The following ZNF676 variants were observed in gnomAD, a reference collection of about 807,000 sequenced individuals.
The protein encoded by ZNF676 is zinc finger protein 676.
In ZNF676, 4 loss-of-function variants were observed where a neutral mutation model predicts 6.0. The observed-to-expected ratio is 0.67, with a 90% confidence interval of 0.33 to 1.53. The LOEUF (loss-of-function observed/expected upper bound fraction) is 1.53, where lower values mean the gene tolerates loss of function less well. Among genes scored for constraint, ZNF676 ranks in the 40% most tolerant of loss-of-function variants. ZNF676 has a pLI of 0.06. For synonymous variants in ZNF676, 198 were observed against 223.1 expected, an observed-to-expected ratio of 0.89 and a Z score of 1.00; for missense variants, 644 against 679.7, an observed-to-expected ratio of 0.95 and a Z score of 0.58.
the ZNF676 span, among the ~76,000 whole-genome samples, chr19:22,230,437 T>A: frequency 6.6e-6 from 1 of 151,996 alleles, no homozygotes; most frequent in Non-Finnish European, 1.5e-5. Flanking sequence ...TCATGGCACG[T>A]GTATACCTGT....
chr19:22,188,286 G>A (rs1172187390), intron 2 of ZNF676, among the ~76,000 whole-genome samples: 1 of 152,118 alleles, frequency 6.6e-6, no homozygotes, highest in East Asian at 1.9e-4. Context: ...AATAGATGCA[G>A]GAAAGGCTTT....
chr19:22,204,078 AGCTAT>A (rs2024053074), intron 1 of ZNF676: 1 of 152,176 alleles, frequency 6.6e-6, no homozygotes, highest in African/African-American at 2.4e-5. Flanking sequence ...CTAACTGGAG[AGCTAT>A]TACAGTTTTT....
intron 2 of ZNF676, among the ~76,000 whole-genome samples, chr19:22,191,078 G>T (rs1568529056): frequency 6.6e-6 from 1 of 152,132 alleles, no homozygotes; most frequent in Non-Finnish European, 1.5e-5. Context: ...CAGCTACATG[G>T]TATAGAAAGG....
chr19:22,204,195 T>TGG (rs958265387), intron 1 of ZNF676, among the ~76,000 whole-genome samples: 1 of 152,136 alleles, frequency 6.6e-6, no homozygotes, highest in African/African-American at 2.4e-5. Context: ...TTTTTCCTAT[T>TGG]GGGTAAATTA....
Position 22,180,247 on chromosome 19 carries a change from T to C in ZNF676, c.1470A>G (p.Ser490=), listed in dbSNP as rs370074175. The change falls in exon 3 of 3, where the codon TCA becomes TCG. Residue 490 remains serine, a synonymous_variant. Coordinates refer to ENST00000397121, the MANE Select transcript of ZNF676 (RefSeq NM_001001411.3). ...GAATTATCTTATGTTTAGTAAGGATTGAGAACGTACTAAAGCCTTTGCCAC... is the reference window on the plus strand; with the variant it reads ...GAATTATCTTATGTTTAGTAAGGATCGAGAACGTACTAAAGCCTTTGCCAC... The part of the protein sequence containing the change: ...EECGKGFSTF[S]ILTKHKIIHT... 6.2e-7 allele frequency: 1 copy of C among 1,613,756 alleles called. No individual in the cohort carries two copies. Among genetic ancestry groups the C allele is most frequent in the Non-Finnish European group, 8.5e-7 (1 of 1,179,786 alleles).
At chr19:22,244,824 C>T in the ZNF676 span, 1 of 152,222 alleles carries the variant, frequency 6.6e-6, no homozygotes, top group Non-Finnish European at 1.5e-5. Context: ...CTGATCCAGT[C>T]CTGTAGGTGT....
At chr19:22,215,897 G>T (rs1482885535), upstream of ZNF676, among the ~76,000 whole-genome samples, 10 of 152,076 alleles carry the variant, frequency 6.6e-5, no homozygotes, top group Non-Finnish European at 8.8e-5. Context: ...AGTGACAGAA[G>T]ATGTGATCAG....
At chr19:22,205,130 T>TA (rs1015929662) in intron 1 of ZNF676, among the ~76,000 whole-genome samples, 17 of 151,352 alleles carry the variant, frequency 1.1e-4, no homozygotes, top group African/African-American at 1.9e-4. Context: ...AAAATTGTTA[T>TA]AAAAAAAAAC....
chr19:22,248,355 C>T, the ZNF676 span, among the ~76,000 whole-genome samples: 1 of 152,224 alleles, frequency 6.6e-6, no homozygotes, highest in Admixed American at 6.5e-5. Context: ...AGTTTACAGT[C>T]CCACCAACAG....
At chr19:22,233,161 G>A in the ZNF676 span, among the ~76,000 whole-genome samples, 1 of 151,974 alleles carries the variant, frequency 6.6e-6, no homozygotes, top group Admixed American at 6.6e-5. Flanking sequence ...TTATTTACAT[G>A]CTCATAATAA....
chr19:22,255,639 A>T, the ZNF676 span, among the ~76,000 whole-genome samples: 1 of 152,052 alleles, frequency 6.6e-6, no homozygotes, highest in Non-Finnish European at 1.5e-5. Context: ...AAGTCAGGAG[A>T]TCGAGACCAT....
At chr19:22,235,054 A>G in the ZNF676 span, among the ~76,000 whole-genome samples, 2 of 148,100 alleles carry the variant, frequency 1.4e-5, no homozygotes, top group South Asian at 2.1e-4. Flanking sequence ...AGGAAGGCAG[A>G]AAGGCAGGAA....
chr19:22,253,562 TACAG>T, the ZNF676 span, among the ~76,000 whole-genome samples: 2 of 151,440 alleles, frequency 1.3e-5, no homozygotes, highest in South Asian at 4.2e-4. Context: ...TTTGTGCATC[TACAG>T]ACTCATGATC....
the ZNF676 span, among the ~76,000 whole-genome samples, chr19:22,253,372 GTATATATA>G: frequency 1.1e-4 from 10 of 90,864 alleles, no homozygotes; most frequent in African/African-American, 3.6e-4. Flanking sequence ...GTGTGTGTGT[GTATATATA>G]TATATATATA....
chr19:22,253,404 G>GTGTATATATATA, the ZNF676 span, among the ~76,000 whole-genome samples: 2,943 of 96,568 alleles, frequency 0.03, 58 homozygotes, highest in African/African-American at 0.061. Flanking sequence ...ATGATAATGT[G>GTGTATATATATA]TATATATATA....
chr19:22,247,203 T>A, the ZNF676 span, among the ~76,000 whole-genome samples: 77 of 152,192 alleles, frequency 5.1e-4, no homozygotes, highest in African/African-American at 1.8e-3. Context: ...TAAGACATAT[T>A]GGGTTAAAGA....
the ZNF676 span, among the ~76,000 whole-genome samples, chr19:22,232,814 G>A: frequency 2.0e-5 from 3 of 152,144 alleles, no homozygotes; most frequent in East Asian, 5.8e-4. Context: ...CTATGAGCAT[G>A]CTCCTGTTCA....
At chr19:22,193,187 G>C in intron 1 of ZNF676, 76 bp from the exon 2 acceptor site, 1 of 1,404,540 alleles carries the variant, frequency 7.1e-7, no homozygotes, top group Non-Finnish European at 9.5e-7. Flanking sequence ...GCTCAGTAAA[G>C]AGGATGTAAT....
chr19:22,248,768 T>G, the ZNF676 span, among the ~76,000 whole-genome samples: 32 of 152,160 alleles, frequency 2.1e-4, no homozygotes, highest in Admixed American at 1.8e-3. Context: ...TCACTGTTGT[T>G]GTCAGGGCTG....
Sources: gnomAD v4.1 joint callset for allele counts (sites outside exome capture counted in the v4.1 genomes callset) on GRCh38, gnomAD v4.1.1 for gene constraint, MANE v1.5 for transcripts, NCBI Gene and HGNC (gene_info 2026-07-23, HGNC 2026-07-21) for gene names.